Variants in MCC observed in about 807,000 individuals in gnomAD.
MCC encodes colorectal mutant cancer protein.
MCC carries 90 observed loss-of-function variants against 116.2 expected under a neutral mutation model. That is an observed-to-expected ratio of 0.77 (90% confidence interval 0.65 to 0.92). The LOEUF (loss-of-function observed/expected upper bound fraction) is 0.92. MCC is among the 40% of genes least tolerant of loss of function. The pLI, the probability that MCC is intolerant of heterozygous loss-of-function variation, is 0.00. For synonymous variants in MCC, 578 were observed against 510.5 expected (o/e 1.13, Z -1.78); for missense variants, 1,516 against 1,312.2 (o/e 1.16, Z -2.40).
chr5:113,185,804 T>C (rs1201443630), intron 3 of MCC, among the ~76,000 whole-genome samples: 1 of 152,152 alleles, frequency 6.6e-6, no homozygotes, highest in African/African-American at 2.4e-5. Flanking sequence ...ACTAAATTCA[T>C]TGAGAATGAA....
At chr5:113,388,996 T>A (rs982625873) in intron 1 of MCC, among the ~76,000 whole-genome samples, 2 of 152,200 alleles carry the variant, frequency 1.3e-5, no homozygotes, top group African/African-American at 2.4e-5. Context: ...AGCTTGATTA[T>A]CAAAGGTCAT....
intron 3 of MCC, among the ~76,000 whole-genome samples, chr5:113,183,722 C>T (rs1761743998): frequency 6.6e-6 from 1 of 152,108 alleles, no homozygotes; most frequent in East Asian, 1.9e-4. Flanking sequence ...GCACCAGGGG[C>T]AAATGGGACC....
At chr5:113,469,831 G>T (rs1772029461) in intron 1 of MCC, among the ~76,000 whole-genome samples, 2 of 152,178 alleles carry the variant, frequency 1.3e-5, no homozygotes, top group Admixed American at 6.5e-5. Flanking sequence ...CTCTTTGTAG[G>T]TCACTAAGGA....
chr5:113,134,053 T>A (rs1758641502), intron 5 of MCC, among the ~76,000 whole-genome samples: 1 of 152,352 alleles, frequency 6.6e-6, no homozygotes, highest in South Asian at 2.1e-4. Context: ...ATTATTTCCA[T>A]TGCTGTGTGG....
At chr5:113,458,687 T>A (rs1771651525) in intron 1 of MCC, among the ~76,000 whole-genome samples, 1 of 152,208 alleles carries the variant, frequency 6.6e-6, no homozygotes, top group African/African-American at 2.4e-5. Flanking sequence ...TAGGCTAGCA[T>A]AACAAGAGCA....
intron 2 of MCC, among the ~76,000 whole-genome samples, chr5:113,365,933 T>C (rs1012501550): frequency 6.6e-6 from 1 of 152,188 alleles, no homozygotes; most frequent in Non-Finnish European, 1.5e-5. Flanking sequence ...TCATGAGAAC[T>C]TGACCCTGTG....
chr5:113,411,977 G>C (rs1461862839), intron 1 of MCC, among the ~76,000 whole-genome samples: 4 of 152,180 alleles, frequency 2.6e-5, no homozygotes, highest in Non-Finnish European at 5.9e-5. Flanking sequence ...TCCAGTTTCA[G>C]CTTTCTACAT....
chr5:113,359,840 G>C (rs1768503642), intron 2 of MCC, among the ~76,000 whole-genome samples: 2 of 152,178 alleles, frequency 1.3e-5, no homozygotes, highest in Admixed American at 1.3e-4. Flanking sequence ...CCTGAAGCGG[G>C]CTGGGGAGTA....
chr5:113,061,845 A>T (rs1753244089), intron 14 of MCC, among the ~76,000 whole-genome samples: 1 of 152,190 alleles, frequency 6.6e-6, no homozygotes, highest in Admixed American at 6.5e-5. Flanking sequence ...ACTCAGAAAG[A>T]TCCTTTTCTT....
intron 1 of MCC, among the ~76,000 whole-genome samples, chr5:113,455,258 G>C (rs1042418525): frequency 2.0e-5 from 3 of 152,078 alleles, no homozygotes; most frequent in Non-Finnish European, 4.4e-5. Context: ...TCCCTTCTTG[G>C]CCAGCCAAGG....
At chr5:113,380,428 A>G (rs1353520455) in intron 2 of MCC, among the ~76,000 whole-genome samples, 1 of 152,238 alleles carries the variant, frequency 6.6e-6, no homozygotes, top group East Asian at 1.9e-4. Flanking sequence ...CAATCACATT[A>G]TAAGTTATTT....
At chr5:113,334,590 A>ATT (rs58288026) in intron 3 of MCC, among the ~76,000 whole-genome samples, 32,990 of 120,726 alleles carry the variant, frequency 0.27, 5,316 homozygotes, top group Non-Finnish European at 0.32. Context: ...CTGATTTCTG[A>ATT]TTTTTTTTTT....
intron 3 of MCC, among the ~76,000 whole-genome samples, chr5:113,309,726 T>C (rs1299923474): frequency 6.6e-6 from 1 of 152,220 alleles, no homozygotes; most frequent in Non-Finnish European, 1.5e-5. Context: ...ATGACTTCTT[T>C]TTCTTTGAGT....
chr5:113,093,529 G>T (rs1266078630), intron 8 of MCC, among the ~76,000 whole-genome samples: 2 of 152,004 alleles, frequency 1.3e-5, no homozygotes, highest in Non-Finnish European at 2.9e-5. Context: ...CAAGCCAGGA[G>T]CATAAGGGAT....
intron 1 of MCC, among the ~76,000 whole-genome samples, chr5:113,467,023 A>T (rs1490373262): frequency 3.3e-5 from 5 of 150,616 alleles, no homozygotes; most frequent in African/African-American, 1.2e-4. Flanking sequence ...CCACTTTTTG[A>T]TGGGGTTGTT....
intron 1 of MCC, among the ~76,000 whole-genome samples, chr5:113,458,854 C>G (rs573952893): frequency 6.6e-6 from 1 of 152,298 alleles, no homozygotes; most frequent in South Asian, 2.1e-4. Context: ...TAAGATCTCC[C>G]TTTTAGGGGC....
chr5:113,416,609 T>C (rs1770156801), intron 1 of MCC, among the ~76,000 whole-genome samples: 2 of 152,210 alleles, frequency 1.3e-5, no homozygotes, highest in Non-Finnish European at 2.9e-5. Flanking sequence ...CACATACGCA[T>C]GTTCATGGAC....
intron 3 of MCC, among the ~76,000 whole-genome samples, chr5:113,171,599 C>A (rs1761074474): frequency 6.6e-6 from 1 of 152,074 alleles, no homozygotes; most frequent in South Asian, 2.1e-4. Context: ...AAGTGATCAG[C>A]CCATCTTGGC....
chr5:113,308,565 A>G (rs1374231798), intron 3 of MCC, among the ~76,000 whole-genome samples: 1 of 152,186 alleles, frequency 6.6e-6, no homozygotes, highest in Non-Finnish European at 1.5e-5. Context: ...GCTCATGCCA[A>G]TAATCCCACC....
Sources: allele counts gnomAD v4.1 joint callset (sites outside exome capture counted in the v4.1 genomes callset), GRCh38; gene constraint gnomAD v4.1.1; transcripts MANE v1.5; gene names NCBI Gene and HGNC (gene_info 2026-07-23, HGNC 2026-07-21).